ZDHHC17: variants seen among roughly 807,000 people sequenced by gnomAD.
ZDHHC17 encodes the protein zDHHC palmitoyltransferase 17.
A neutral mutation model predicts 90.3 loss-of-function variants in ZDHHC17; 40 were observed. That is an observed-to-expected ratio of 0.44 (90% CI 0.34 to 0.58). ZDHHC17 has a LOEUF of 0.58. ZDHHC17 is among the 20% of genes least tolerant of loss of function. ZDHHC17 has a pLI of 0.01. For synonymous variants in ZDHHC17, 235 were observed against 252.4 expected (o/e 0.93, Z 0.65); for missense variants, 614 against 780.8 (o/e 0.79, Z 2.55).
intron 1 of ZDHHC17, among the ~76,000 whole-genome samples, chr12:76,765,355 T>A (rs1260992789): frequency 6.6e-6 from 1 of 152,246 alleles, no homozygotes; most frequent in African/African-American, 2.4e-5. Flanking sequence ...TCCTTTTATG[T>A]TGCATGTTAA....
In ZDHHC17 at chr12:76,852,555, C is replaced by G. The variant is rs989329682; in HGVS notation, c.*1570C>G. 5.2e-5 allele frequency: 8 copies of G among 152,572 alleles called. No individual in the cohort carries two copies. The highest frequency in any genetic ancestry group is 1.9e-4 in the African/African-American group (8 of 41,422). 9.5% of individuals were successfully genotyped at this position (152,572 alleles called of 1,614,324 possible). ...ACTGCATGTCTGATGCTTGGTAAAA[C>G]TAGTCTTCCCTGTAAAATGCAGATT... On this transcript the variant is annotated 3_prime_UTR_variant, in exon 17 of 17. Coordinates refer to ENST00000426126, the MANE Select transcript of ZDHHC17 (RefSeq NM_015336.4).
chr12:76,792,556 CATTCCTGTCTACT>C (rs930930918), intron 1 of ZDHHC17, among the ~76,000 whole-genome samples: 3 of 152,130 alleles, frequency 2.0e-5, no homozygotes, highest in Admixed American at 1.3e-4. Flanking sequence ...CAGCTCTTCC[CATTCCTGTCTACT>C]ATTCCTGTCT....
At chr12:76,824,967 A>C (rs578127338) in intron 8 of ZDHHC17, among the ~76,000 whole-genome samples, 2 of 152,338 alleles carry the variant, frequency 1.3e-5, no homozygotes, top group South Asian at 4.1e-4. Context: ...AATATTAAGT[A>C]AAAGGATTTT....
At chr12:76,849,743 A>C (rs975761538) in intron 16 of ZDHHC17, 2 of 203,054 alleles carry the variant, frequency 9.8e-6, no homozygotes, top group Non-Finnish European at 1.9e-5. Flanking sequence ...AAGTATATGA[A>C]ATATTTAAAA....
At chr12:76,786,731 C>T (rs961550794) in intron 1 of ZDHHC17, among the ~76,000 whole-genome samples, 1 of 151,964 alleles carries the variant, frequency 6.6e-6, no homozygotes, top group Non-Finnish European at 1.5e-5. Flanking sequence ...GAAATGCCTT[C>T]TAGTAAATAG....
At chr12:76,850,198 C>T (rs1206294659) in intron 16 of ZDHHC17, among the ~76,000 whole-genome samples, 1 of 151,966 alleles carries the variant, frequency 6.6e-6, no homozygotes, top group African/African-American at 2.4e-5. Flanking sequence ...TACTTACCGA[C>T]GTGAACCACT....
At chr12:76,775,740 C>CTGTTGTTT (rs1952551470) in intron 1 of ZDHHC17, among the ~76,000 whole-genome samples, 10 of 152,092 alleles carry the variant, frequency 6.6e-5, no homozygotes, top group Admixed American at 5.9e-4. Context: ...AAATAGTTAG[C>CTGTTGTTT]TGTTGTTTTA....
intron 2 of ZDHHC17, among the ~76,000 whole-genome samples, chr12:76,799,145 C>G (rs558831799): frequency 6.6e-6 from 1 of 152,102 alleles, no homozygotes; most frequent in Admixed American, 6.5e-5. Flanking sequence ...TCAAAAAAAA[C>G]AAGCAAAAAA....
intron 8 of ZDHHC17, 67 bp from the exon 9 acceptor site, chr12:76,826,841 A>G (rs1953236229): frequency 1.4e-6 from 2 of 1,440,698 alleles, no homozygotes. Context: ...TCACAAAGGT[A>G]ACAATGATTC....
In ZDHHC17 at chr12:76,788,699, T is replaced by A. The variant is rs1396394474; in HGVS notation, c.94-8735T>A. ...AAGTTGGAATCGCAATTTTTTTTTT[T>A]TTTTTTTTTTTTTTTGAGCAGAGTT... On this transcript the variant is annotated intron_variant, in intron 1 of 16. Coordinates refer to ENST00000426126, the MANE Select transcript of ZDHHC17 (RefSeq NM_015336.4). Among the ~76,000 whole-genome samples, 6 of 131,270 alleles carry A rather than the reference T, an allele frequency of 4.6e-5. 1 individual carries two copies. The highest frequency in any genetic ancestry group is 4.0e-4 in the Admixed American group (5 of 12,604). The allele number at this position is 131,270 out of a possible 152,430, so 86.1% of individuals were successfully genotyped here.
At chr12:76,790,851 T>A (rs1952751631) in intron 1 of ZDHHC17, among the ~76,000 whole-genome samples, 2 of 152,160 alleles carry the variant, frequency 1.3e-5, no homozygotes, top group African/African-American at 4.8e-5. Flanking sequence ...AAAGGTTGGT[T>A]AAGGGATATA....
At chr12:76,786,269 A>ATTTTTT (rs1484289618) in intron 1 of ZDHHC17, among the ~76,000 whole-genome samples, 1 of 151,320 alleles carries the variant, frequency 6.6e-6, no homozygotes, top group African/African-American at 2.4e-5. Flanking sequence ...AGCCTGGCTA[A>ATTTTTT]TTTTTTTTAT....
chr12:76,772,228 G>C (rs574865000), intron 1 of ZDHHC17, among the ~76,000 whole-genome samples: 4 of 152,306 alleles, frequency 2.6e-5, no homozygotes, highest in African/African-American at 7.2e-5. Flanking sequence ...AGTTGGATTT[G>C]CTAGGCACTA....
At chr12:76,772,709 A>G (rs867669591) in intron 1 of ZDHHC17, among the ~76,000 whole-genome samples, 6 of 105,500 alleles carry the variant, frequency 5.7e-5, no homozygotes, top group Non-Finnish European at 1.0e-4. Flanking sequence ...TAACTTTTGT[A>G]TTTTTTTTTT....
intron 1 of ZDHHC17, among the ~76,000 whole-genome samples, chr12:76,777,923 C>T (rs73391806): frequency 3.3e-5 from 5 of 151,592 alleles, no homozygotes; most frequent in Non-Finnish European, 7.4e-5. Context: ...AGGAAGGATG[C>T]GGGGAGCTGA....
chr12:76,826,785 A>G (rs1336756800), intron 8 of ZDHHC17, 123 bp from the exon 9 acceptor site: 1 of 945,148 alleles, frequency 1.1e-6, no homozygotes, highest in African/African-American at 1.7e-5. Flanking sequence ...ACTGATACAT[A>G]GCATGCAAAT....
chr12:76,809,685 T>G, intron 4 of ZDHHC17, 28 bp from the exon 5 acceptor site: 1 of 1,405,040 alleles, frequency 7.1e-7, no homozygotes, highest in Non-Finnish European at 9.3e-7. Flanking sequence ...ACTTTATATA[T>G]CTAAGTGTTT....
chr12:76,771,576 T>G (rs1019560433), intron 1 of ZDHHC17, among the ~76,000 whole-genome samples: 3 of 152,148 alleles, frequency 2.0e-5, no homozygotes, highest in African/African-American at 4.8e-5. Context: ...AGTTGTTGTA[T>G]TCTAGAAAAA....
intron 9 of ZDHHC17, among the ~76,000 whole-genome samples, chr12:76,828,009 A>G (rs1953250207): frequency 6.6e-6 from 1 of 152,122 alleles, no homozygotes; most frequent in South Asian, 2.1e-4. Context: ...AAACAGAGAA[A>G]AATGTGAGGC....
Sources: allele counts gnomAD v4.1 joint callset (sites outside exome capture counted in the v4.1 genomes callset), GRCh38; gene constraint gnomAD v4.1.1; transcripts MANE v1.5; gene names NCBI Gene and HGNC (gene_info 2026-07-23, HGNC 2026-07-21).